KLHL29: variants seen among roughly 807,000 people sequenced by gnomAD.
KLHL29 encodes the protein kelch like family member 29.
In KLHL29, 21 loss-of-function variants were observed where a neutral mutation model predicts 80.4. The observed-to-expected ratio is 0.26, with a 90% CI of 0.19 to 0.38. KLHL29 has a LOEUF of 0.38. Ranked by LOEUF, KLHL29 falls within the 10% of genes least tolerant of loss-of-function variation. The pLI is 1.00. For missense variants in KLHL29, 867 were observed against 1,223.9 expected, an observed-to-expected ratio of 0.71 and a Z score of 4.35; for synonymous variants, 511 against 526.8, an observed-to-expected ratio of 0.97 and a Z score of 0.41.
At chr2:23,440,533 G>A (rs1663485215) in intron 1 of KLHL29, among the ~76,000 whole-genome samples, 1 of 152,064 alleles carries the variant, frequency 6.6e-6, no homozygotes, top group Non-Finnish European at 1.5e-5. Flanking sequence ...CCATCAGAGT[G>A]AACAGGCAAC....
chr2:23,453,278 C>T (rs981503611), intron 1 of KLHL29, among the ~76,000 whole-genome samples: 10 of 152,202 alleles, frequency 6.6e-5, no homozygotes, highest in Middle Eastern at 3.2e-3. Flanking sequence ...TCAGTCACCA[C>T]GTCACAGGAG....
At chr2:23,410,968 C>G (rs1298664475) in intron 1 of KLHL29, among the ~76,000 whole-genome samples, 1 of 152,136 alleles carries the variant, frequency 6.6e-6, no homozygotes, top group Non-Finnish European at 1.5e-5. Context: ...CCTTCCTCCC[C>G]CAGCCCCTCA....
chr2:23,629,905 A>T (rs1669425217), intron 3 of KLHL29, among the ~76,000 whole-genome samples: 1 of 152,148 alleles, frequency 6.6e-6, no homozygotes. Context: ...TCCATGCTTG[A>T]GATCCGAGGA....
chr2:23,436,627 G>A lies in KLHL29; in HGVS notation c.-153-38933G>A, dbSNP rs745800873. 4.1e-4 allele frequency among the ~76,000 whole-genome samples: 62 copies of A among 152,208 alleles called. 1 individual carries two copies. The highest frequency in any genetic ancestry group is 3.5e-3 in the Admixed American group (53 of 15,274). On this transcript the variant is annotated intron_variant, in intron 1 of 13. Coordinates refer to ENST00000486442, the MANE Select transcript of KLHL29 (RefSeq NM_052920.2). Reference sequence around the variant, plus strand: ...AGGTGCGCATTCAGCGCTGCGAAGCGGGAAGAGGAGCCCTGACGATTCTGA... The same window carrying A: ...AGGTGCGCATTCAGCGCTGCGAAGCAGGAAGAGGAGCCCTGACGATTCTGA...
rs116699585 is a variant in KLHL29 at position 23,696,021 on chromosome 2, C to T, written c.1812C>T (p.Ala604=). ...MVGMTQRSLV[A]VTCWNPQNNK... ...GGATGACCCAGCGCTCGCTGGTGGC[C>T]GTCACCTGCTGGAACCCGCAGAACA... is the stretch of plus-strand genomic sequence containing the variant. Residue 604 remains alanine (A), a synonymous_variant, in exon 10 of 14, where the codon GCC becomes GCT. Transcript: ENST00000486442. This position sits in a 1 kb window ranked among gnomAD's most constrained non-coding sequence, Gnocchi z 5.5. 0.037 allele frequency: 58,134 copies of T among 1,551,658 alleles called. 1,254 individuals carry two copies. Among genetic ancestry groups the T allele is most frequent in the South Asian group, 0.078 (6,515 of 84,060 alleles).
chr2:23,387,736 C>A (rs1666222274), intron 1 of KLHL29, among the ~76,000 whole-genome samples: 1 of 152,066 alleles, frequency 6.6e-6, no homozygotes, highest in Admixed American at 6.5e-5. Flanking sequence ...GAGCTGTGTG[C>A]TACTGATGAA....
chr2:23,464,535 C>T (rs1482957327), intron 1 of KLHL29, among the ~76,000 whole-genome samples: 1 of 152,208 alleles, frequency 6.6e-6, no homozygotes, highest in East Asian at 1.9e-4. Flanking sequence ...TCCCTCCCGT[C>T]CCCACTCCCC....
intron 2 of KLHL29, among the ~76,000 whole-genome samples, chr2:23,480,257 T>C (rs958012047): frequency 1.3e-5 from 2 of 152,196 alleles, no homozygotes; most frequent in South Asian, 4.2e-4. Flanking sequence ...GAGGCCGAGG[T>C]GGGCGGATCA....
In KLHL29 at chr2:23,526,450, C is replaced by T. The variant is rs916843519; in HGVS notation, c.-45-35702C>T. Among the ~76,000 whole-genome samples the T allele has an allele frequency of 8.5e-5, 13 of 152,120 alleles. No individual in the cohort carries two copies. The South Asian group carries it at 2.3e-3, about 27-fold the overall frequency. ...CTGGTGCAGAGGGCTCTGCAGGGGC[C>T]GGGGGAGGAGAGCCTGGAGAGAGCC... is the stretch of plus-strand genomic sequence containing the variant. On this transcript the variant is annotated intron_variant, in intron 2 of 13. Coordinates refer to ENST00000486442, the MANE Select transcript of KLHL29 (RefSeq NM_052920.2).
chr2:23,489,536 C>T (rs1252701266), intron 2 of KLHL29, among the ~76,000 whole-genome samples: 1 of 152,116 alleles, frequency 6.6e-6, no homozygotes, highest in African/African-American at 2.4e-5. Context: ...CCTTGCGTAC[C>T]TCCTGCCACG....
At chr2:23,429,335 T>C (rs1663101767) in intron 1 of KLHL29, among the ~76,000 whole-genome samples, 1 of 152,214 alleles carries the variant, frequency 6.6e-6, no homozygotes, top group Non-Finnish European at 1.5e-5. Context: ...TACAATGATA[T>C]GTGCTCCTCA....
At chr2:23,589,330 A>G (rs1027830902) in intron 3 of KLHL29, among the ~76,000 whole-genome samples, 5 of 152,218 alleles carry the variant, frequency 3.3e-5, no homozygotes, top group African/African-American at 1.2e-4. Context: ...AGCACATGAA[A>G]TGGAAACTCC....
chr2:23,532,982 C>T (rs1028849290), intron 2 of KLHL29, among the ~76,000 whole-genome samples: 8 of 152,094 alleles, frequency 5.3e-5, no homozygotes, highest in Non-Finnish European at 7.4e-5. Context: ...GTTCCCTCTA[C>T]GTCTCTGCAA....
chr2:23,545,269 C>G (rs531332682), intron 2 of KLHL29, among the ~76,000 whole-genome samples: 1 of 152,332 alleles, frequency 6.6e-6, no homozygotes, highest in East Asian at 1.9e-4. Flanking sequence ...GCTTCAGAGT[C>G]GGGCACAAGA....
At chr2:23,469,996 G>T (rs1210954278) in intron 1 of KLHL29, among the ~76,000 whole-genome samples, 2 of 151,544 alleles carry the variant, frequency 1.3e-5, no homozygotes, top group East Asian at 1.9e-4. Flanking sequence ...TTTCATTTTG[G>T]GGGGGTCTGC....
At chr2:23,549,774 A>AGGG (rs1170337755) in intron 2 of KLHL29, among the ~76,000 whole-genome samples, 31 of 152,312 alleles carry the variant, frequency 2.0e-4, no homozygotes, top group African/African-American at 7.5e-4. Context: ...AAGGCCCCGG[A>AGGG]GATCCCCTCT....
intron 1 of KLHL29, among the ~76,000 whole-genome samples, chr2:23,433,998 GGT>G (rs1553322784): frequency 6.6e-6 from 1 of 152,096 alleles, no homozygotes; most frequent in South Asian, 2.1e-4. Flanking sequence ...TGTGTCTGTG[GGT>G]GTGTGCAAGT....
At chr2:23,587,395 G>C (rs1290805667) in intron 3 of KLHL29, among the ~76,000 whole-genome samples, 1 of 152,106 alleles carries the variant, frequency 6.6e-6, no homozygotes, top group Non-Finnish European at 1.5e-5. Context: ...AAGACTTGGA[G>C]AATCAATGAT....
intron 3 of KLHL29, among the ~76,000 whole-genome samples, chr2:23,634,125 T>C (rs951627608): frequency 4.3e-4 from 65 of 152,146 alleles, no homozygotes; most frequent in Non-Finnish European, 7.8e-4. Flanking sequence ...CACAGATGCC[T>C]GGTACACGGT....
Sources: allele counts gnomAD v4.1 joint callset (sites outside exome capture counted in the v4.1 genomes callset), GRCh38; gene constraint gnomAD v4.1.1; non-coding constraint Gnocchi (gnomAD v3.1); transcripts MANE v1.5; gene names NCBI Gene and HGNC (gene_info 2026-07-23, HGNC 2026-07-21).